The following ACOXL variants were observed in gnomAD, a reference collection of about 807,000 sequenced individuals.
The protein encoded by ACOXL is acyl-CoA oxidase like.
A neutral mutation model predicts 71.9 loss-of-function variants in ACOXL; 70 were observed. The observed-to-expected ratio is 0.97, with a 90% CI of 0.80 to 1.19. The LOEUF (loss-of-function observed/expected upper bound fraction) is 1.19, where lower values mean the gene tolerates loss of function less well. ACOXL is among the 50% of genes most tolerant of loss of function. The probability of loss-of-function intolerance (pLI) is 0.00; values close to 1 mark genes in which losing one functional copy is unlikely to be tolerated. For synonymous variants in ACOXL, 253 were observed against 281.6 expected (o/e 0.90, Z 1.02); for missense variants, 703 against 736.3 (o/e 0.95, Z 0.52).
chr2:110,972,457 A>G (rs902428624), intron 12 of ACOXL, among the ~76,000 whole-genome samples: 41 of 152,336 alleles, frequency 2.7e-4, no homozygotes, highest in Middle Eastern at 3.4e-3. Context: ...CACTTCTTGT[A>G]TAAGTGGGGT....
chr2:111,080,705 G>A (rs1361250754), intron 16 of ACOXL, among the ~76,000 whole-genome samples: 9 of 152,138 alleles, frequency 5.9e-5, no homozygotes, highest in Non-Finnish European at 1.2e-4. Flanking sequence ...AAACCTGGCA[G>A]AGACACAACA....
intron 10 of ACOXL, among the ~76,000 whole-genome samples, chr2:110,850,370 A>C (rs1692454634): frequency 6.6e-6 from 1 of 152,218 alleles, no homozygotes; most frequent in Admixed American, 6.5e-5. Flanking sequence ...CTGATAAAGA[A>C]GTTGTATCCA....
chr2:110,866,159 G>T (rs1315259730), intron 10 of ACOXL, among the ~76,000 whole-genome samples: 1 of 152,232 alleles, frequency 6.6e-6, no homozygotes, highest in Non-Finnish European at 1.5e-5. Context: ...CCAGCAGGAT[G>T]TGGGGGCCTG....
At chr2:110,980,817 G>A (rs912200899) in intron 12 of ACOXL, among the ~76,000 whole-genome samples, 4 of 152,176 alleles carry the variant, frequency 2.6e-5, no homozygotes, top group African/African-American at 4.8e-5. Flanking sequence ...CTCTGCCCGC[G>A]GCCCTGAAAG....
At chr2:110,999,517 C>T (rs751417826) in intron 14 of ACOXL, among the ~76,000 whole-genome samples, 8 of 152,166 alleles carry the variant, frequency 5.3e-5, no homozygotes, top group Non-Finnish European at 8.8e-5. Context: ...ATTTTGTCCT[C>T]CAAGATGGAC....
At chr2:110,747,355 A>C (rs184760871) in intron 1 of ACOXL, among the ~76,000 whole-genome samples, 3 of 152,186 alleles carry the variant, frequency 2.0e-5, no homozygotes, top group African/African-American at 7.2e-5. Flanking sequence ...GCAAGCCAGC[A>C]GACTCAGCCA....
At chr2:111,101,616 T>C (rs1337295004) in intron 17 of ACOXL, among the ~76,000 whole-genome samples, 1 of 151,062 alleles carries the variant, frequency 6.6e-6, no homozygotes, top group Non-Finnish European at 1.5e-5. Flanking sequence ...ACTCACCTCC[T>C]ACCCATAGAC....
At chr2:110,974,559 C>T (rs1398374985) in intron 12 of ACOXL, among the ~76,000 whole-genome samples, 2 of 152,182 alleles carry the variant, frequency 1.3e-5, no homozygotes, top group Non-Finnish European at 2.9e-5. Context: ...CCTTCCTAAT[C>T]CATTATGGCA....
chr2:110,899,223 A>G (rs1166368584), intron 10 of ACOXL, among the ~76,000 whole-genome samples: 2 of 152,202 alleles, frequency 1.3e-5, no homozygotes, highest in Non-Finnish European at 2.9e-5. Context: ...TGCTCGGGCA[A>G]TTTCCATTGC....
intron 16 of ACOXL, among the ~76,000 whole-genome samples, chr2:111,056,986 G>C (rs2066572660): frequency 6.6e-6 from 1 of 152,094 alleles, no homozygotes. Flanking sequence ...TCACCCTCAG[G>C]TAGCTCCTTG....
chr2:110,992,229 G>A (rs1281143874), intron 13 of ACOXL, among the ~76,000 whole-genome samples: 1 of 152,156 alleles, frequency 6.6e-6, no homozygotes, highest in African/African-American at 2.4e-5. Context: ...CCAAAACAGT[G>A]TACATCTGTC....
At chr2:110,840,094 G>A (rs756263148) in intron 9 of ACOXL, among the ~76,000 whole-genome samples, 15 of 151,970 alleles carry the variant, frequency 9.9e-5, no homozygotes, top group Non-Finnish European at 1.6e-4. Context: ...AGGTTCAATC[G>A]ATTCTCCTGC....
At chr2:111,093,376 GA>G in intron 17 of ACOXL, 1 of 1,431,596 alleles carries the variant, frequency 7.0e-7, no homozygotes, top group Non-Finnish European at 9.7e-7. Flanking sequence ...CGGAGCACCT[GA>G]AAAAGAAGGT....
chr2:111,008,603 GTGT>G (rs1402326426), intron 14 of ACOXL, among the ~76,000 whole-genome samples: 8 of 152,106 alleles, frequency 5.3e-5, no homozygotes, highest in Non-Finnish European at 1.5e-5. Context: ...ATAAATTTTA[GTGT>G]TGTTTGAATT....
intron 15 of ACOXL, among the ~76,000 whole-genome samples, chr2:111,037,741 C>T (rs1229740892): frequency 1.3e-5 from 2 of 152,152 alleles, no homozygotes; most frequent in Non-Finnish European, 2.9e-5. Flanking sequence ...TAAGCTGTGG[C>T]GTTATGACTT....
intron 10 of ACOXL, among the ~76,000 whole-genome samples, chr2:110,844,694 C>A (rs1433700609): frequency 6.6e-6 from 1 of 152,014 alleles, no homozygotes; most frequent in Non-Finnish European, 1.5e-5. Context: ...ATTACAGGCA[C>A]CTGCCATCAC....
intron 16 of ACOXL, among the ~76,000 whole-genome samples, chr2:111,068,119 G>A (rs2067160261): frequency 6.6e-6 from 1 of 152,168 alleles, no homozygotes; most frequent in Non-Finnish European, 1.5e-5. Context: ...GGCGAATGGG[G>A]GCTGTCCTCC....
Position 110,820,751 on chromosome 2 carries a change from G to A in ACOXL, c.753+15356G>A, listed in dbSNP as rs546523818. Among the ~76,000 whole-genome samples, 30 of 152,280 alleles carry A rather than the reference G, an allele frequency of 2.0e-4. No homozygotes were observed. In the South Asian group the frequency reaches 4.6e-3, roughly 23 times the overall value. On this transcript the variant is annotated intron_variant, in intron 9 of 17. Transcript: ENST00000439055. ...AGGTGAAGATGTGGTTTGTACCGGG[G>A]GACAGAGGTAGGAAATTAGATGGTT...
chr2:110,994,382 C>G (rs553323008), intron 13 of ACOXL, among the ~76,000 whole-genome samples: 23 of 152,126 alleles, frequency 1.5e-4, no homozygotes, highest in South Asian at 8.3e-4. Context: ...ATCTCAAAAG[C>G]ACTGCGTCAA....
Sources: allele counts gnomAD v4.1 joint callset (sites outside exome capture counted in the v4.1 genomes callset), GRCh38; gene constraint gnomAD v4.1.1; transcripts MANE v1.5; gene names NCBI Gene and HGNC (gene_info 2026-07-23, HGNC 2026-07-21).